GRIA4: variants seen among roughly 807,000 people sequenced by gnomAD.
The protein encoded by GRIA4 is glutamate ionotropic receptor AMPA type subunit 4, also known as glutamate receptor 4.
GRIA4 carries 34 observed loss-of-function variants against 104.0 expected under a neutral mutation model. The observed-to-expected ratio is 0.33, with a 90% CI of 0.25 to 0.44. The LOEUF (loss-of-function observed/expected upper bound fraction) is 0.44. Among genes scored for constraint, GRIA4 ranks in the 20% least tolerant of loss-of-function variants. The pLI is 1.00. For synonymous variants in GRIA4, 386 were observed against 381.9 expected (o/e 1.01, Z -0.13); for missense variants, 750 against 1,096.5 (o/e 0.68, Z 4.46).
Position 105,669,841 on chromosome 11 carries a change from A to C in GRIA4, c.247+57407A>C, listed in dbSNP as rs141531576. Among the ~76,000 whole-genome samples, 690 of 152,242 alleles carry C rather than the reference A, an allele frequency of 4.5e-3. 14 individuals are homozygous for C. Among genetic ancestry groups the C allele is most frequent in the African/African-American group, 0.015 (644 of 41,560 alleles). On this transcript the variant is annotated intron_variant, in intron 3 of 16. Transcript: ENST00000282499. The stretch of plus-strand genomic sequence containing the variant: ...ATTTTTAACGAATTCCCTTAAGCTA[A>C]ACCAAAGAGGTAAATTTTGCAAAGT...
intron 5 of GRIA4, among the ~76,000 whole-genome samples, chr11:105,874,020 G>A (rs1025881402): frequency 1.3e-5 from 2 of 152,076 alleles, no homozygotes; most frequent in Non-Finnish European, 2.9e-5. Flanking sequence ...GTATTGCCTA[G>A]GTCTTCTTCT....
intron 3 of GRIA4, among the ~76,000 whole-genome samples, chr11:105,735,823 A>T (rs191969104): frequency 8.9e-4 from 136 of 152,294 alleles, no homozygotes; most frequent in Middle Eastern, 3.4e-3. Context: ...AAGGATACAC[A>T]CTTACATACT....
intron 4 of GRIA4, among the ~76,000 whole-genome samples, chr11:105,827,287 T>C (rs571732746): frequency 2.2e-4 from 34 of 152,130 alleles, no homozygotes; most frequent in Non-Finnish European, 4.4e-4. Flanking sequence ...CATAGTAAAA[T>C]AATATTTGTT....
intron 10 of GRIA4, among the ~76,000 whole-genome samples, chr11:105,911,386 C>A (rs1184671075): frequency 6.6e-6 from 1 of 151,932 alleles, no homozygotes; most frequent in Non-Finnish European, 1.5e-5. Flanking sequence ...CAATCGGTGA[C>A]CTTTTCTATC....
intron 4 of GRIA4, among the ~76,000 whole-genome samples, chr11:105,845,891 AAAAC>A (rs34693227): frequency 2.0e-4 from 31 of 152,160 alleles, no homozygotes; most frequent in South Asian, 1.5e-3. Context: ...ACTCCGTCTC[AAAAC>A]AAACAAACAA....
chr11:105,851,724 A>C (rs1476647888), intron 4 of GRIA4, among the ~76,000 whole-genome samples: 1 of 152,216 alleles, frequency 6.6e-6, no homozygotes, highest in Non-Finnish European at 1.5e-5. Context: ...TGAGTGGCGC[A>C]TACCTAAGAG....
At chr11:105,790,924 T>G (rs1042937893) in intron 4 of GRIA4, among the ~76,000 whole-genome samples, 2 of 152,166 alleles carry the variant, frequency 1.3e-5, no homozygotes, top group Admixed American at 6.6e-5. Flanking sequence ...ACCTTGGCTG[T>G]CCATTGCAAA....
chr11:105,690,169 C>A lies in GRIA4; in HGVS notation c.248-62812C>A, dbSNP rs963996537. On this transcript the variant is annotated intron_variant, in intron 3 of 16. Transcript: ENST00000282499. ...GTGAGAAGAAATGCAATGCCTTCCC[C>A]CTTCTTGATGCTGTAACTTTTCTGC... Among the ~76,000 whole-genome samples, 24 of 152,100 alleles carry A rather than the reference C, an allele frequency of 1.6e-4. 1 individual carries two copies. The highest frequency in any genetic ancestry group is 4.3e-4 in the African/African-American group (18 of 41,394).
chr11:105,733,237 A>C (rs1407698034), intron 3 of GRIA4, among the ~76,000 whole-genome samples: 1 of 152,186 alleles, frequency 6.6e-6, no homozygotes, highest in Non-Finnish European at 1.5e-5. Context: ...GCACTACTGG[A>C]TGATGCCATA....
intron 14 of GRIA4, among the ~76,000 whole-genome samples, chr11:105,949,538 C>T (rs1948410773): frequency 6.6e-6 from 1 of 151,732 alleles, no homozygotes; most frequent in African/African-American, 2.4e-5. Context: ...ATGTATGACT[C>T]AAAGGAAATA....
chr11:105,782,660 G>A (rs1941779987), intron 4 of GRIA4, among the ~76,000 whole-genome samples: 1 of 152,178 alleles, frequency 6.6e-6, no homozygotes, highest in Admixed American at 6.6e-5. Context: ...CCTGAAGACT[G>A]CATTGAACAG....
chr11:105,959,113 T>C (rs1214178985), intron 14 of GRIA4, among the ~76,000 whole-genome samples: 1 of 152,150 alleles, frequency 6.6e-6, no homozygotes, highest in Admixed American at 6.5e-5. Context: ...TCATGGGATA[T>C]CTTAATAGTG....
chr11:105,924,802 T>C, intron 12 of GRIA4, 33 bp downstream of exon 12: 1 of 1,473,486 alleles, frequency 6.8e-7, no homozygotes, highest in Non-Finnish European at 9.3e-7. Context: ...TCTTCACTGA[T>C]TTCCCAGTAA....
chr11:105,816,037 A>G (rs1943361208), intron 4 of GRIA4, among the ~76,000 whole-genome samples: 1 of 152,154 alleles, frequency 6.6e-6, no homozygotes, highest in Non-Finnish European at 1.5e-5. Flanking sequence ...GTGAGATAGC[A>G]TGACGTAACA....
chr11:105,684,071 T>C (rs1952794137), intron 3 of GRIA4, among the ~76,000 whole-genome samples: 1 of 151,914 alleles, frequency 6.6e-6, no homozygotes, highest in Non-Finnish European at 1.5e-5. Flanking sequence ...ATGAGGTTTC[T>C]CCATGTTGGT....
rs1262628303 is a variant in GRIA4, at chr11:105,895,249, A to ATGTGTGTG, written c.727-3018_727-3017insTGTGTGTG. On this transcript the variant is annotated intron_variant, in intron 6 of 16. Coordinates refer to ENST00000282499, the MANE Select transcript of GRIA4 (RefSeq NM_000829.4). ...AAGCAATTACAAAAGCTACGAGCTC[A>ATGTGTGTG]TGCGTGTGTGTGTGTGTGTGTGTGT... 8.0e-4 allele frequency among the ~76,000 whole-genome samples: 34 copies of ATGTGTGTG among 42,502 alleles called. 1 individual carries two copies. The highest frequency in any genetic ancestry group is 3.6e-3 in the African/African-American group (34 of 9,490). The allele number at this position is 42,502 out of a possible 152,430, so 27.9% of individuals were successfully genotyped here. A position where few individuals can be genotyped will look rare whatever the true frequency, so the allele number is the denominator to read the frequency against.
chr11:105,867,227 C>A (rs577161590), intron 5 of GRIA4, among the ~76,000 whole-genome samples: 1 of 152,130 alleles, frequency 6.6e-6, no homozygotes, highest in Admixed American at 6.6e-5. Context: ...AATAATCCTA[C>A]CTCAGGGCAA....
intron 3 of GRIA4, among the ~76,000 whole-genome samples, chr11:105,736,246 C>T (rs1383108915): frequency 5.3e-5 from 8 of 152,060 alleles, no homozygotes; most frequent in African/African-American, 1.9e-4. Flanking sequence ...ACCCTGCCCT[C>T]GGCCTGCTTC....
At chr11:105,752,945 C>T (rs367761058) in intron 3 of GRIA4, 36 bp from the exon 4 acceptor site, 183 of 1,599,404 alleles carry the variant, frequency 1.1e-4, no homozygotes, top group Non-Finnish European at 1.5e-4. Context: ...TTTGAGTGTG[C>T]TAATAGTTTG....
Sources: gnomAD v4.1 joint callset for allele counts (sites outside exome capture counted in the v4.1 genomes callset) on GRCh38, gnomAD v4.1.1 for gene constraint, MANE v1.5 for transcripts, NCBI Gene and HGNC (gene_info 2026-07-23, HGNC 2026-07-21) for gene names.